Variants in ZFPM2 observed in about 807,000 individuals in gnomAD.
ZFPM2 encodes zinc finger protein, FOG family member 2.
Under a neutral mutation model 98.6 loss-of-function variants are expected in ZFPM2, and 20 were observed. That is an observed-to-expected ratio of 0.20 (90% CI 0.14 to 0.29). ZFPM2 has a LOEUF of 0.29. Among genes scored for constraint, ZFPM2 ranks in the 10% least tolerant of loss-of-function variants. The pLI, the probability that ZFPM2 is intolerant of heterozygous loss-of-function variation, is 1.00. For synonymous variants in ZFPM2, 518 were observed against 502.7 expected (o/e 1.03, Z -0.41); for missense variants, 1,310 against 1,388.6 (o/e 0.94, Z 0.90).
intron 3 of ZFPM2, among the ~76,000 whole-genome samples, chr8:105,481,163 A>G (rs946193280): frequency 3.3e-5 from 5 of 152,184 alleles, no homozygotes; most frequent in African/African-American, 9.6e-5. Flanking sequence ...AGCCTGTCAC[A>G]TCATACTTTC....
intron 4 of ZFPM2, among the ~76,000 whole-genome samples, chr8:105,601,059 A>T (rs1041029731): frequency 6.6e-6 from 1 of 152,098 alleles, no homozygotes; most frequent in African/African-American, 2.4e-5. Flanking sequence ...CCTGGGTTCC[A>T]TGGCTGAGCC....
At chr8:105,337,966 G>A (rs752755333) in intron 1 of ZFPM2, among the ~76,000 whole-genome samples, 6 of 151,648 alleles carry the variant, frequency 4.0e-5, no homozygotes, top group Non-Finnish European at 5.9e-5. Flanking sequence ...GTTTCTAACA[G>A]ATCTCTTCCA....
intron 3 of ZFPM2, among the ~76,000 whole-genome samples, chr8:105,493,995 G>T (rs747601515): frequency 1.1e-4 from 17 of 151,166 alleles, no homozygotes; most frequent in Non-Finnish European, 1.9e-4. Context: ...ATATTGTTGG[G>T]GTTGGCCTTC....
At chr8:105,602,589 A>G (rs1022117994) in intron 4 of ZFPM2, among the ~76,000 whole-genome samples, 1 of 152,098 alleles carries the variant, frequency 6.6e-6, no homozygotes, top group African/African-American at 2.4e-5. Context: ...TAAATATTGT[A>G]TGTTTTTAAA....
At chr8:105,618,394 A>G (rs1816463766) in intron 4 of ZFPM2, among the ~76,000 whole-genome samples, 1 of 152,180 alleles carries the variant, frequency 6.6e-6, no homozygotes. Context: ...CAAAATGGGC[A>G]TAATGATCTC....
intron 4 of ZFPM2, among the ~76,000 whole-genome samples, chr8:105,588,324 A>C (rs529640601): frequency 6.6e-6 from 1 of 152,220 alleles, no homozygotes; most frequent in Admixed American, 6.5e-5. Context: ...CTCACGGTTT[A>C]TGGAAAAGAA....
intron 5 of ZFPM2, among the ~76,000 whole-genome samples, chr8:105,644,588 TCTC>T (rs1484835261): frequency 1.3e-5 from 2 of 152,054 alleles, no homozygotes; most frequent in African/African-American, 4.8e-5. Flanking sequence ...TTTCTCTCTT[TCTC>T]CTCTATATCC....
intron 4 of ZFPM2, among the ~76,000 whole-genome samples, chr8:105,621,369 C>A (rs569426186): frequency 2.0e-5 from 3 of 152,208 alleles, no homozygotes; most frequent in East Asian, 3.9e-4. Flanking sequence ...TTTTTGCACA[C>A]TGATTTTGTA....
chr8:105,593,485 G>A (rs749419788), intron 4 of ZFPM2, among the ~76,000 whole-genome samples: 1 of 151,982 alleles, frequency 6.6e-6, no homozygotes, highest in African/African-American at 2.4e-5. Context: ...GGGATTTAAT[G>A]TACTTATTAA....
intron 5 of ZFPM2, among the ~76,000 whole-genome samples, chr8:105,739,393 A>G (rs527972576): frequency 6.6e-6 from 1 of 152,130 alleles, no homozygotes; most frequent in East Asian, 1.9e-4. Context: ...ACACATCTGT[A>G]TGAGTACTTG....
intron 1 of ZFPM2, among the ~76,000 whole-genome samples, chr8:105,416,227 A>C (rs1280806647): frequency 1.3e-5 from 2 of 151,590 alleles, no homozygotes; most frequent in African/African-American, 4.8e-5. Flanking sequence ...TTATGTGTAC[A>C]TTTTTCTTTC....
chr8:105,692,170 A>G (rs922222395), intron 5 of ZFPM2, among the ~76,000 whole-genome samples: 1 of 152,216 alleles, frequency 6.6e-6, no homozygotes, highest in Non-Finnish European at 1.5e-5. Context: ...TAAGGTGACT[A>G]AGTCCTTGAA....
chr8:105,664,976 T>A (rs1339125484), intron 5 of ZFPM2, among the ~76,000 whole-genome samples: 1 of 152,190 alleles, frequency 6.6e-6, no homozygotes, highest in Non-Finnish European at 1.5e-5. Context: ...TTAGTTCATT[T>A]TCTCTTTCTA....
At chr8:105,744,880 C>A (rs544868760) in intron 5 of ZFPM2, among the ~76,000 whole-genome samples, 41 of 152,216 alleles carry the variant, frequency 2.7e-4, no homozygotes, top group African/African-American at 8.7e-4. Flanking sequence ...CCATGGTATC[C>A]CTGTGATCTC....
chr8:105,730,235 C>T (rs1811899159), intron 5 of ZFPM2, among the ~76,000 whole-genome samples: 1 of 151,556 alleles, frequency 6.6e-6, no homozygotes, highest in Non-Finnish European at 1.5e-5. Flanking sequence ...CATGCAGTGT[C>T]CAGGAATGAA....
At chr8:105,411,823 G>C (rs1811583618) in intron 1 of ZFPM2, among the ~76,000 whole-genome samples, 2 of 151,704 alleles carry the variant, frequency 1.3e-5, no homozygotes, top group East Asian at 1.9e-4. Context: ...CTCAATGCCT[G>C]AGTTACTTCC....
chr8:105,557,211 C>T (rs960169996), intron 3 of ZFPM2, among the ~76,000 whole-genome samples: 6 of 152,118 alleles, frequency 3.9e-5, no homozygotes, highest in Non-Finnish European at 4.4e-5. Context: ...CTTTAGAATT[C>T]TGTCCTAGGT....
At chr8:105,437,916 A>G (rs576991491) in intron 2 of ZFPM2, among the ~76,000 whole-genome samples, 5 of 152,128 alleles carry the variant, frequency 3.3e-5, no homozygotes, top group Non-Finnish European at 7.4e-5. Flanking sequence ...GGTGGTGCGC[A>G]TCTGTAATCC....
intron 5 of ZFPM2, among the ~76,000 whole-genome samples, chr8:105,688,147 A>G (rs1810785884): frequency 6.6e-6 from 1 of 152,126 alleles, no homozygotes; most frequent in South Asian, 2.1e-4. Flanking sequence ...AATGAAAATT[A>G]TAGAAAATTA....
Sources: gnomAD v4.1 joint callset for allele counts (sites outside exome capture counted in the v4.1 genomes callset) on GRCh38, gnomAD v4.1.1 for gene constraint, MANE v1.5 for transcripts, NCBI Gene and HGNC (gene_info 2026-07-23, HGNC 2026-07-21) for gene names.